The following GRIA1 variants were observed in gnomAD, a reference collection of about 807,000 sequenced individuals.
GRIA1 encodes the protein glutamate ionotropic receptor AMPA type subunit 1.
A neutral mutation model predicts 99.2 loss-of-function variants in GRIA1; 31 were observed. That is an observed-to-expected ratio of 0.31 (90% CI 0.23 to 0.42). GRIA1 has a LOEUF of 0.42. GRIA1 is among the 10% of genes least tolerant of loss of function. GRIA1 has a pLI of 1.00. For missense variants in GRIA1, 782 were observed against 1,157.5 expected (o/e 0.68, Z 4.71); for synonymous variants, 438 against 432.4 (o/e 1.01, Z -0.16).
intron 11 of GRIA1, among the ~76,000 whole-genome samples, chr5:153,742,309 A>G (rs1287218644): frequency 2.6e-5 from 4 of 152,190 alleles, no homozygotes; most frequent in African/African-American, 9.6e-5. Context: ...ATGACTAACA[A>G]TAGTCACGAG....
intron 13 of GRIA1, among the ~76,000 whole-genome samples, chr5:153,774,771 CT>C (rs1461489145): frequency 6.6e-6 from 1 of 152,222 alleles, no homozygotes; most frequent in Non-Finnish European, 1.5e-5. Context: ...CCAAATGTTC[CT>C]CCAAAACTTG....
intron 15 of GRIA1, 33 bp downstream of exon 15, chr5:153,802,523 CTGTTCTGTGA>C (rs1766117084): frequency 1.2e-6 from 2 of 1,612,078 alleles, no homozygotes; most frequent in South Asian, 2.2e-5. Flanking sequence ...TTTTCCTAAC[CTGTTCTGTGA>C]TGCAGCTGGG....
chr5:153,781,682 A>G (rs544096767), intron 13 of GRIA1, among the ~76,000 whole-genome samples: 21 of 151,960 alleles, frequency 1.4e-4, no homozygotes, highest in Non-Finnish European at 2.2e-4. Context: ...TAGTCCTACT[A>G]TATAGACCAC....
intron 2 of GRIA1, among the ~76,000 whole-genome samples, chr5:153,610,960 G>A (rs1219811498): frequency 1.3e-5 from 2 of 152,142 alleles, no homozygotes; most frequent in Non-Finnish European, 2.9e-5. Context: ...TTCTGAACAG[G>A]CTGTCTTCAA....
chr5:153,575,695 T>A (rs1363563795), intron 2 of GRIA1, among the ~76,000 whole-genome samples: 1 of 152,118 alleles, frequency 6.6e-6, no homozygotes, highest in Non-Finnish European at 1.5e-5. Flanking sequence ...TATAACCAAG[T>A]CTCCTGTGGC....
rs1204708327 is a variant in GRIA1 at position 153,510,914 on chromosome 5, T to C, written c.220+16849T>C. On this transcript the variant is annotated intron_variant, in intron 2 of 15. Coordinates refer to ENST00000285900, the MANE Select transcript of GRIA1 (RefSeq NM_000827.4). ...AACTGTGATGTTCTGAGGATATTAATAGGTTATTTGGGGAGCATTGGGGGT... is the reference window on the plus strand; with the variant it reads ...AACTGTGATGTTCTGAGGATATTAACAGGTTATTTGGGGAGCATTGGGGGT... Among the ~76,000 whole-genome samples, 3 of 152,118 alleles carry C rather than the reference T, an allele frequency of 2.0e-5. No homozygotes were observed. The East Asian group carries it at 5.8e-4, about 29-fold the overall frequency.
At chr5:153,760,621 A>G (rs979895997) in intron 11 of GRIA1, among the ~76,000 whole-genome samples, 19 of 152,156 alleles carry the variant, frequency 1.2e-4, no homozygotes, top group African/African-American at 4.6e-4. Context: ...TACAGATTCA[A>G]TGCAATCCCT....
At chr5:153,598,652 T>A (rs1293257581) in intron 2 of GRIA1, among the ~76,000 whole-genome samples, 2 of 152,182 alleles carry the variant, frequency 1.3e-5, no homozygotes, top group Non-Finnish European at 2.9e-5. Context: ...TTTGGATCTG[T>A]ATTTCCTTCT....
chr5:153,791,568 G>T (rs1018563514), intron 13 of GRIA1, among the ~76,000 whole-genome samples: 1 of 152,098 alleles, frequency 6.6e-6, no homozygotes, highest in African/African-American at 2.4e-5. Context: ...TTATATGCAT[G>T]GGCTTTAGTC....
intron 11 of GRIA1, among the ~76,000 whole-genome samples, chr5:153,709,695 G>T (rs1228458442): frequency 6.6e-6 from 1 of 152,118 alleles, no homozygotes; most frequent in Non-Finnish European, 1.5e-5. Context: ...TGTTCAAACA[G>T]CATGAAGGAA....
chr5:153,742,568 C>G (rs937100353), intron 11 of GRIA1, among the ~76,000 whole-genome samples: 2 of 152,252 alleles, frequency 1.3e-5, no homozygotes, highest in Middle Eastern at 3.4e-3. Context: ...GTGTTTTGCT[C>G]ATTCAGGTTG....
chr5:153,790,486 T>C (rs1352509335), intron 13 of GRIA1, among the ~76,000 whole-genome samples: 2 of 152,118 alleles, frequency 1.3e-5, no homozygotes, highest in Non-Finnish European at 2.9e-5. Flanking sequence ...TCTAGCCAAC[T>C]GAAAGACATT....
upstream of GRIA1, chr5:153,490,630 G>T: frequency 3.8e-6 from 2 of 527,668 alleles, no homozygotes; most frequent in East Asian, 6.9e-5. Context: ...GGGAGCCAGC[G>T]CTCCAGCTAG....
At chr5:153,810,090 T>A in intron 15 of GRIA1, among the ~76,000 whole-genome samples, 1 of 152,236 alleles carries the variant, frequency 6.6e-6, no homozygotes, top group East Asian at 1.9e-4. Flanking sequence ...TCCTCTTGTC[T>A]AAGACGATAT....
chr5:153,618,827 G>A (rs1000099295), intron 2 of GRIA1, among the ~76,000 whole-genome samples: 11 of 152,264 alleles, frequency 7.2e-5, no homozygotes, highest in African/African-American at 2.6e-4. Flanking sequence ...TACTATGTTG[G>A]CCAAGGAGAA....
intron 13 of GRIA1, among the ~76,000 whole-genome samples, chr5:153,789,729 C>T (rs1041092055): frequency 6.6e-6 from 1 of 152,154 alleles, no homozygotes; most frequent in African/African-American, 2.4e-5. Flanking sequence ...ATGGGCCCAG[C>T]ATATGTTATA....
At chr5:153,794,885 A>T in intron 14 of GRIA1, 150 bp downstream of exon 14, 1 of 618,408 alleles carries the variant, frequency 1.6e-6, no homozygotes, top group Non-Finnish European at 2.9e-6. Context: ...GTTGAGTAGA[A>T]GTAGCATCAA....
At chr5:153,778,582 G>A (rs1764424278) in intron 13 of GRIA1, among the ~76,000 whole-genome samples, 1 of 151,404 alleles carries the variant, frequency 6.6e-6, no homozygotes, top group African/African-American at 2.4e-5. Flanking sequence ...TCTCAAAGAT[G>A]TAAGGAGGGA....
At chr5:153,668,374 C>G (rs1755901259) in intron 5 of GRIA1, among the ~76,000 whole-genome samples, 1 of 152,072 alleles carries the variant, frequency 6.6e-6, no homozygotes, top group Non-Finnish European at 1.5e-5. Context: ...TTATATGGCT[C>G]ATGAGCTAAG....
Sources: gnomAD v4.1 joint callset for allele counts (sites outside exome capture counted in the v4.1 genomes callset) on GRCh38, gnomAD v4.1.1 for gene constraint, MANE v1.5 for transcripts, NCBI Gene and HGNC (gene_info 2026-07-23, HGNC 2026-07-21) for gene names.